Variants in ADGRV1 observed in about 807,000 individuals in gnomAD.
ADGRV1 encodes adhesion G protein-coupled receptor V1, also known as G-protein coupled receptor 98.
A neutral mutation model predicts 596.2 loss-of-function variants in ADGRV1; 359 were observed. The observed-to-expected ratio is 0.60, with a 90% CI of 0.55 to 0.66. The LOEUF (loss-of-function observed/expected upper bound fraction) is 0.66. Ranked by LOEUF, ADGRV1 falls within the 30% of genes least tolerant of loss-of-function variation. The pLI, the probability that ADGRV1 is intolerant of heterozygous loss-of-function variation, is 0.00. For synonymous variants in ADGRV1, 2,681 were observed against 2,679.2 expected (o/e 1.00, Z -0.02); for missense variants, 7,274 against 7,575.6 (o/e 0.96, Z 1.48).
At chr5:90,570,067 A>G (rs1756325742) in intron 1 of ADGRV1, among the ~76,000 whole-genome samples, 1 of 151,908 alleles carries the variant, frequency 6.6e-6, no homozygotes, top group Non-Finnish European at 1.5e-5. Flanking sequence ...GATTCAAGTT[A>G]CTCTCTAATG....
At chr5:91,131,690 T>G (rs1470977764) in intron 87 of ADGRV1, among the ~76,000 whole-genome samples, 5 of 152,214 alleles carry the variant, frequency 3.3e-5, no homozygotes, top group Non-Finnish European at 1.5e-5. Flanking sequence ...ATTCTGGACA[T>G]TAGTCCTTTG....
At chr5:90,864,070 C>T (rs1402987300) in intron 83 of ADGRV1, among the ~76,000 whole-genome samples, 4 of 150,858 alleles carry the variant, frequency 2.7e-5, no homozygotes, top group South Asian at 2.1e-4. Context: ...TTAATATCAT[C>T]GCTTACAAAA....
intron 21 of ADGRV1, among the ~76,000 whole-genome samples, chr5:90,671,958 C>G (rs1464001772): frequency 1.3e-5 from 2 of 152,158 alleles, no homozygotes; most frequent in African/African-American, 4.8e-5. Flanking sequence ...ATAAGATGCC[C>G]TCTTTGATCT....
At chr5:91,044,298 A>C (rs574404669) in intron 85 of ADGRV1, among the ~76,000 whole-genome samples, 15 of 152,182 alleles carry the variant, frequency 9.9e-5, no homozygotes, top group Non-Finnish European at 1.9e-4. Context: ...TCTCAAAGTC[A>C]GTTATATTTT....
chr5:91,120,153 G>A (rs893206609), intron 87 of ADGRV1, among the ~76,000 whole-genome samples: 3 of 152,198 alleles, frequency 2.0e-5, no homozygotes, highest in Non-Finnish European at 1.5e-5. Context: ...AAGCAGACTC[G>A]CCTGGAGCAC....
intron 89 of ADGRV1, among the ~76,000 whole-genome samples, chr5:91,156,628 AG>A (rs1392414716): frequency 2.6e-5 from 4 of 152,246 alleles, no homozygotes; most frequent in African/African-American, 9.6e-5. Flanking sequence ...ATTTGGTTCT[AG>A]AATGTAAGGA....
chr5:90,999,089 T>G (rs1781650897), intron 85 of ADGRV1, among the ~76,000 whole-genome samples: 1 of 152,052 alleles, frequency 6.6e-6, no homozygotes, highest in African/African-American at 2.4e-5. Flanking sequence ...GAGAGTGTGC[T>G]TTGTTCTTGC....
chr5:90,878,253 T>C (rs997818471), intron 83 of ADGRV1, among the ~76,000 whole-genome samples: 1 of 152,180 alleles, frequency 6.6e-6, no homozygotes, highest in Non-Finnish European at 1.5e-5. Context: ...GAGGAAGCAA[T>C]TGAGCTTCAC....
intron 21 of ADGRV1, 44 bp from the exon 22 acceptor site, chr5:90,672,502 T>C: frequency 6.8e-7 from 1 of 1,465,164 alleles, no homozygotes; most frequent in Non-Finnish European, 9.4e-7. Context: ...TTGTCACTGA[T>C]TTGAATTGCT....
At chr5:91,027,751 G>T (rs532510322) in intron 85 of ADGRV1, among the ~76,000 whole-genome samples, 1 of 152,190 alleles carries the variant, frequency 6.6e-6, no homozygotes, top group African/African-American at 2.4e-5. Flanking sequence ...ACACAGCAGA[G>T]CTAAAAGTAA....
chr5:90,788,122 A>T lies in ADGRV1; in HGVS notation c.13705A>T (p.Asn4569Tyr). The T allele has an allele frequency of 1.2e-6, 2 of 1,613,704 alleles. No individual in the cohort carries two copies. Among genetic ancestry groups the T allele is most frequent in the East Asian group, 2.2e-5 (1 of 44,866 alleles). Reference sequence around the variant, plus strand: ...CTCTCAAGAAGCCTTACTGCCACAGAATAGAGACATTGCAGACCCAGTGAG... The same window carrying T: ...CTCTCAAGAAGCCTTACTGCCACAGTATAGAGACATTGCAGACCCAGTGAG... ...PNSQEALLPQ[N>Y]RDIADPVSGL... Residue 4569 changes from asparagine to tyrosine, a missense_variant, in exon 68 of 90, where the codon AAT (asparagine) becomes TAT (tyrosine). Coordinates refer to ENST00000405460, the MANE Select transcript of ADGRV1 (RefSeq NM_032119.4).
chr5:90,925,690 G>C (rs555135282), intron 83 of ADGRV1, among the ~76,000 whole-genome samples: 4 of 143,258 alleles, frequency 2.8e-5, no homozygotes. Context: ...TGGTGAGAGA[G>C]GGCATCCCTG....
At chr5:90,729,004 A>C in intron 49 of ADGRV1, 71 bp downstream of exon 49, 1 of 1,073,578 alleles carries the variant, frequency 9.3e-7, no homozygotes, top group Non-Finnish European at 1.3e-6. Flanking sequence ...GGTATATTTT[A>C]TATGAAAATG....
intron 59 of ADGRV1, among the ~76,000 whole-genome samples, chr5:90,769,292 T>A (rs1250300614): frequency 6.6e-6 from 1 of 152,184 alleles, no homozygotes; most frequent in Non-Finnish European, 1.5e-5. Context: ...CCACTTTGAC[T>A]CTTTGCCTTC....
At chr5:90,656,050 C>T (rs887390748) in intron 20 of ADGRV1, among the ~76,000 whole-genome samples, 1 of 152,038 alleles carries the variant, frequency 6.6e-6, no homozygotes, top group African/African-American at 2.4e-5. Context: ...ATGCCATATT[C>T]CCTCCATGAA....
At chr5:90,949,985 G>A (rs927598878) in intron 83 of ADGRV1, among the ~76,000 whole-genome samples, 1 of 152,120 alleles carries the variant, frequency 6.6e-6, no homozygotes, top group African/African-American at 2.4e-5. Flanking sequence ...CATGAACTTT[G>A]TACAATGGTT....
chr5:90,931,723 A>C (rs926149937), intron 83 of ADGRV1, among the ~76,000 whole-genome samples: 1 of 152,246 alleles, frequency 6.6e-6, no homozygotes, highest in Admixed American at 6.5e-5. Flanking sequence ...AATAATGGTT[A>C]ATTCCTACTT....
chr5:90,593,640 G>A (rs1024082686), intron 1 of ADGRV1, among the ~76,000 whole-genome samples: 14 of 152,148 alleles, frequency 9.2e-5, no homozygotes, highest in African/African-American at 2.2e-4. Flanking sequence ...TACAGTGTAC[G>A]CTGCTTGGGT....
chr5:90,822,017 C>T (rs550345846), intron 75 of ADGRV1: 45 of 157,360 alleles, frequency 2.9e-4, no homozygotes, highest in Middle Eastern at 6.1e-3. Flanking sequence ...CCCCCAGCCT[C>T]GCTGCCGCCT....
Sources: allele counts gnomAD v4.1 joint callset (sites outside exome capture counted in the v4.1 genomes callset), GRCh38; gene constraint gnomAD v4.1.1; transcripts MANE v1.5; gene names NCBI Gene and HGNC (gene_info 2026-07-23, HGNC 2026-07-21).